SBF2: variants seen among roughly 807,000 people sequenced by gnomAD.
The protein encoded by SBF2 is myotubularin-related protein 13.
A neutral mutation model predicts 225.2 loss-of-function variants in SBF2; 112 were observed. The observed-to-expected ratio is 0.50, with a 90% CI of 0.43 to 0.58. The LOEUF (loss-of-function observed/expected upper bound fraction) is 0.58, where lower values mean the gene tolerates loss of function less well. Ranked by LOEUF, SBF2 falls within the 20% of genes least tolerant of loss-of-function variation. The pLI is 0.00. For synonymous variants in SBF2, 763 were observed against 773.3 expected (o/e 0.99, Z 0.22); for missense variants, 1,996 against 2,206.2 (o/e 0.90, Z 1.91).
At chr11:10,075,950 T>A (rs1228131897) in intron 2 of SBF2, among the ~76,000 whole-genome samples, 2 of 151,900 alleles carry the variant, frequency 1.3e-5, no homozygotes, top group African/African-American at 2.4e-5. Context: ...TTACCATAGC[T>A]CACCCACTCA....
intron 2 of SBF2, among the ~76,000 whole-genome samples, chr11:10,143,333 T>C (rs1173524257): frequency 2.6e-5 from 4 of 151,980 alleles, no homozygotes; most frequent in Non-Finnish European, 4.4e-5. Context: ...CCACTACGCC[T>C]GGCTAATTTT....
At chr11:9,819,829 G>A (rs1415070313) in intron 28 of SBF2, among the ~76,000 whole-genome samples, 4 of 152,208 alleles carry the variant, frequency 2.6e-5, no homozygotes, top group African/African-American at 9.7e-5. Flanking sequence ...TTTTGCAGTA[G>A]AGCATTAAGC....
chr11:9,811,165 G>T (rs1453555492), intron 30 of SBF2: 1 of 152,152 alleles, frequency 6.6e-6, no homozygotes, highest in Non-Finnish European at 1.5e-5. Flanking sequence ...ACAAAGAAAG[G>T]AATAGACGCC....
chr11:9,892,387 T>A (rs959189839), intron 17 of SBF2, among the ~76,000 whole-genome samples: 1 of 152,000 alleles, frequency 6.6e-6, no homozygotes, highest in African/African-American at 2.4e-5. Context: ...AAAATTTTTA[T>A]CTGCATGTGC....
At chr11:9,837,431 C>T (rs932264025) in intron 26 of SBF2, among the ~76,000 whole-genome samples, 1 of 152,164 alleles carries the variant, frequency 6.6e-6, no homozygotes, top group East Asian at 1.9e-4. Flanking sequence ...TTGCAAAATG[C>T]TTATCTTTAT....
chr11:9,981,850 C>T (rs551083038), intron 13 of SBF2, among the ~76,000 whole-genome samples: 3 of 152,070 alleles, frequency 2.0e-5, no homozygotes, highest in Non-Finnish European at 4.4e-5. Flanking sequence ...TTTTTGTTTA[C>T]TAAAGTCAGG....
At chr11:10,272,372 A>G in intron 1 of SBF2, 1 of 534,840 alleles carries the variant, frequency 1.9e-6, no homozygotes. Context: ...TTACTCACAC[A>G]ATTTCCTTAA....
At chr11:10,184,945 C>G (rs1956875059) in intron 2 of SBF2, among the ~76,000 whole-genome samples, 1 of 152,134 alleles carries the variant, frequency 6.6e-6, no homozygotes, top group Non-Finnish European at 1.5e-5. Flanking sequence ...CCAGGATGGT[C>G]TCGATCTCCT....
chr11:10,188,098 A>G (rs186681533), intron 2 of SBF2, among the ~76,000 whole-genome samples: 27 of 152,354 alleles, frequency 1.8e-4, no homozygotes, highest in Non-Finnish European at 1.2e-4. Flanking sequence ...ACTGAACCAC[A>G]TTAGTCTCTT....
At chr11:9,827,795 T>G (rs986038778) in intron 28 of SBF2, among the ~76,000 whole-genome samples, 2 of 152,202 alleles carry the variant, frequency 1.3e-5, no homozygotes, top group Non-Finnish European at 2.9e-5. Flanking sequence ...CTATCTATAC[T>G]TCTGTGATAG....
chr11:9,810,865 A>G (rs1223016421), intron 30 of SBF2: 2 of 152,238 alleles, frequency 1.3e-5, no homozygotes, highest in Non-Finnish European at 2.9e-5. Context: ...TACTGAGTAT[A>G]TACCCAAAGG....
chr11:9,896,554 G>A (rs1861273337), intron 16 of SBF2, among the ~76,000 whole-genome samples: 1 of 152,182 alleles, frequency 6.6e-6, no homozygotes, highest in African/African-American at 2.4e-5. Context: ...CACTTTGGGA[G>A]GCTGAGGCGG....
At chr11:10,085,312 T>A (rs1018994803) in intron 2 of SBF2, among the ~76,000 whole-genome samples, 1 of 152,218 alleles carries the variant, frequency 6.6e-6, no homozygotes, top group East Asian at 1.9e-4. Flanking sequence ...CCTTTCAATC[T>A]ACCTTATATG....
At chr11:10,023,629 C>T (rs928046551) in intron 6 of SBF2, among the ~76,000 whole-genome samples, 11 of 152,256 alleles carry the variant, frequency 7.2e-5, no homozygotes, top group East Asian at 1.9e-4. Flanking sequence ...ATATAATATA[C>T]GGTTTTTGTG....
chr11:9,783,402 A>G (rs1267874405), intron 38 of SBF2, among the ~76,000 whole-genome samples: 1 of 152,242 alleles, frequency 6.6e-6, no homozygotes, highest in East Asian at 1.9e-4. Flanking sequence ...AAAGCACTGT[A>G]CAGGAGTAAC....
At chr11:10,075,181 T>C (rs1188428133) in intron 2 of SBF2, among the ~76,000 whole-genome samples, 2 of 152,242 alleles carry the variant, frequency 1.3e-5, no homozygotes, top group Non-Finnish European at 1.5e-5. Context: ...ACTCTTAACT[T>C]AGGTTATAAT....
chr11:9,822,696 A>G (rs1027833131), intron 28 of SBF2, among the ~76,000 whole-genome samples: 1 of 152,208 alleles, frequency 6.6e-6, no homozygotes, highest in Non-Finnish European at 1.5e-5. Context: ...CTGTTCAGAG[A>G]ACTAGTGTTT....
chr11:10,274,776 T>C (rs1565425405), intron 1 of SBF2, among the ~76,000 whole-genome samples: 1 of 150,170 alleles, frequency 6.7e-6, no homozygotes, highest in African/African-American at 2.4e-5. Context: ...AAAGAAAGAA[T>C]TAGAAAGTTT....
At chr11:9,787,809 T>C in intron 35 of SBF2, 71 bp from the exon 36 acceptor site, 1 of 1,301,222 alleles carries the variant, frequency 7.7e-7, no homozygotes, top group Non-Finnish European at 1.1e-6. Flanking sequence ...GCCACACTGC[T>C]TCTGTACTAG....
Sources: gnomAD v4.1 joint callset for allele counts (sites outside exome capture counted in the v4.1 genomes callset) on GRCh38, gnomAD v4.1.1 for gene constraint, MANE v1.5 for transcripts, NCBI Gene and HGNC (gene_info 2026-07-23, HGNC 2026-07-21) for gene names.